ARID1B: variants seen among roughly 807,000 people sequenced by gnomAD.
ARID1B encodes AT-rich interaction domain 1B, also known as AT-rich interactive domain-containing protein 1B.
A neutral mutation model predicts 212.3 loss-of-function variants in ARID1B; 30 were observed. The observed-to-expected ratio is 0.14, with a 90% CI of 0.11 to 0.19. The LOEUF (loss-of-function observed/expected upper bound fraction) is 0.19, where lower values mean the gene tolerates loss of function less well. Ranked by LOEUF, ARID1B falls within the 10% of genes least tolerant of loss-of-function variation. ARID1B has a pLI of 1.00. For synonymous variants in ARID1B, 1,402 were observed against 1,301.7 expected, an observed-to-expected ratio of 1.08 and a Z score of -1.66; for missense variants, 2,891 against 3,204.0, an observed-to-expected ratio of 0.90 and a Z score of 2.36.
At chr6:156,997,820 A>G (rs908970121) in intron 4 of ARID1B, among the ~76,000 whole-genome samples, 1 of 152,208 alleles carries the variant, frequency 6.6e-6, no homozygotes, top group Non-Finnish European at 1.5e-5. Context: ...CTGTATACAT[A>G]TATTATTTCT....
intron 4 of ARID1B, among the ~76,000 whole-genome samples, chr6:157,078,009 T>C (rs1442012767): frequency 1.3e-5 from 2 of 152,192 alleles, no homozygotes; most frequent in Admixed American, 6.5e-5. Context: ...GTTCCTGGAA[T>C]AATAAAGGGC....
At chr6:157,039,642 C>CTTCCTTCCTTCCTTCCTTCTTTCT (rs1781609551) in intron 4 of ARID1B, among the ~76,000 whole-genome samples, 10 of 122,576 alleles carry the variant, frequency 8.2e-5, no homozygotes, top group Admixed American at 7.2e-4. Context: ...TCCTTCCTTC[C>CTTCCTTCCTTCCTTCCTTCTTTCT]TTCTTTCCTT....
At chr6:156,869,817 G>A (rs955735610) in intron 2 of ARID1B, among the ~76,000 whole-genome samples, 19 of 152,168 alleles carry the variant, frequency 1.2e-4, no homozygotes, top group Non-Finnish European at 1.2e-4. Flanking sequence ...GGGAAAAATC[G>A]GTTCTGAGAG....
chr6:156,935,410 A>G lies in ARID1B; in HGVS notation c.2137-56A>G, dbSNP rs944744253. On this transcript the variant is annotated intron_variant, in intron 3 of 19. Transcript: ENST00000636930. ...TTTGTTTAATTTTAGTTACTGAAGAAGCTTATAACTCATTGAGATATTTAT... is the reference window on the plus strand; with the variant it reads ...TTTGTTTAATTTTAGTTACTGAAGAGGCTTATAACTCATTGAGATATTTAT... 3 of 1,420,360 alleles carry G rather than the reference A, an allele frequency of 2.1e-6. No individual in the cohort carries two copies. The Admixed American group carries it at 5.5e-5, about 26-fold the overall frequency. 88.0% of individuals were successfully genotyped at this position (1,420,360 alleles called of 1,614,324 possible). A position where few individuals can be genotyped will look rare whatever the true frequency, so the allele number is the denominator to read the frequency against.
At chr6:157,081,668 C>T (rs1784638278) in intron 4 of ARID1B, among the ~76,000 whole-genome samples, 1 of 152,108 alleles carries the variant, frequency 6.6e-6, no homozygotes, top group African/African-American at 2.4e-5. Flanking sequence ...GCCTTTGCAA[C>T]CTGAGTAAAG....
chr6:156,838,732 TAAAC>T (rs928995346), intron 2 of ARID1B, among the ~76,000 whole-genome samples: 10 of 149,174 alleles, frequency 6.7e-5, no homozygotes, highest in African/African-American at 2.5e-4. Flanking sequence ...ATAATAATAA[TAAAC>T]AAAAAAAACC....
intron 9 of ARID1B, among the ~76,000 whole-genome samples, chr6:157,171,831 A>G (rs928205165): frequency 1.1e-4 from 17 of 152,374 alleles, no homozygotes; most frequent in Admixed American, 9.1e-4. Flanking sequence ...TAATTTCCAT[A>G]ATACATATTG....
chr6:157,096,653 C>T (rs542894649), intron 5 of ARID1B, among the ~76,000 whole-genome samples: 25 of 152,336 alleles, frequency 1.6e-4, no homozygotes, highest in African/African-American at 5.5e-4. Context: ...CTTAGCCGTG[C>T]CCAGGCTGGC....
chr6:157,142,783 T>C (rs1789469525), intron 7 of ARID1B, among the ~76,000 whole-genome samples: 1 of 152,212 alleles, frequency 6.6e-6, no homozygotes, highest in African/African-American at 2.4e-5. Flanking sequence ...AATTATGCAT[T>C]TCTTTTTTCC....
intron 4 of ARID1B, among the ~76,000 whole-genome samples, chr6:156,948,212 CATTT>C (rs1021810842): frequency 1.3e-5 from 2 of 152,268 alleles, no homozygotes; most frequent in African/African-American, 2.4e-5. Flanking sequence ...ATAGTTGCTG[CATTT>C]ATTTATTTAT....
intron 2 of ARID1B, among the ~76,000 whole-genome samples, chr6:156,880,760 A>AAGG (rs1554262811): frequency 3.1e-5 from 3 of 96,556 alleles, no homozygotes; most frequent in African/African-American, 1.3e-4. Context: ...AAAAAAAAAA[A>AAGG]AAAAGAAAAG....
At chr6:156,958,852 G>A (rs999473758) in intron 4 of ARID1B, among the ~76,000 whole-genome samples, 1 of 152,150 alleles carries the variant, frequency 6.6e-6, no homozygotes, top group Non-Finnish European at 1.5e-5. Flanking sequence ...ATCATACGGA[G>A]TTAGTTTACT....
chr6:156,856,916 A>G (rs4412213), intron 2 of ARID1B, among the ~76,000 whole-genome samples: 58,670 of 151,966 alleles, frequency 0.39, 11,416 homozygotes, highest in South Asian at 0.48. Context: ...CGTGCTGGCA[A>G]TCTAAGGGTA....
chr6:156,866,543 A>C (rs1258194374), intron 2 of ARID1B, among the ~76,000 whole-genome samples: 1 of 152,218 alleles, frequency 6.6e-6, no homozygotes, highest in Non-Finnish European at 1.5e-5. Flanking sequence ...AAATAAACAA[A>C]AAGCAGGCAA....
At chr6:156,930,123 C>A (rs1791579494) in intron 3 of ARID1B, among the ~76,000 whole-genome samples, 1 of 152,206 alleles carries the variant, frequency 6.6e-6, no homozygotes, top group Non-Finnish European at 1.5e-5. Flanking sequence ...CAGTTTGGAT[C>A]TGTGTCTCCA....
chr6:156,856,851 TG>T (rs1160268419), intron 2 of ARID1B, among the ~76,000 whole-genome samples: 1 of 152,024 alleles, frequency 6.6e-6, no homozygotes, highest in African/African-American at 2.4e-5. Context: ...GGAAGAAATT[TG>T]GGGGAAAAAC....
intron 8 of ARID1B, chr6:157,165,877 A>G (rs984496446): frequency 6.6e-6 from 1 of 152,156 alleles, no homozygotes; most frequent in African/African-American, 2.4e-5. Context: ...AAAAAATAAG[A>G]TTTATGTTAA....
intron 2 of ARID1B, among the ~76,000 whole-genome samples, chr6:156,862,065 T>C (rs1343150968): frequency 6.6e-6 from 1 of 152,242 alleles, no homozygotes; most frequent in Non-Finnish European, 1.5e-5. Context: ...GACAGTGACG[T>C]TGCTTTTGAA....
rs112147200 is a variant in ARID1B at position 157,003,832 on chromosome 6, G to T, written c.2247+68256G>T. ...GCCTCCCAAGTAGCTATGACTATAG[G>T]TGCGCATGACTGTTCCTGGATAATT... On this transcript the variant is annotated intron_variant, in intron 4 of 19. Transcript: ENST00000636930. Among the ~76,000 whole-genome samples the T allele has an allele frequency of 7.4e-3, 1,121 of 152,014 alleles. 20 individuals are homozygous for T. Among genetic ancestry groups the T allele is most frequent in the African/African-American group, 0.025 (1,040 of 41,446 alleles).
Sources: gnomAD v4.1 joint callset for allele counts (sites outside exome capture counted in the v4.1 genomes callset) on GRCh38, gnomAD v4.1.1 for gene constraint, MANE v1.5 for transcripts, NCBI Gene and HGNC (gene_info 2026-07-23, HGNC 2026-07-21) for gene names.